KDM2A: variants seen among roughly 807,000 people sequenced by gnomAD.
KDM2A encodes the protein lysine demethylase 2A.
A neutral mutation model predicts 137.3 loss-of-function variants in KDM2A; 3 were observed. The observed-to-expected ratio is 0.02, with a 90% CI of 0.01 to 0.06. KDM2A has a LOEUF of 0.06. KDM2A is among the 10% of genes least tolerant of loss of function. The probability of loss-of-function intolerance (pLI) is 1.00; values close to 1 mark genes in which losing one functional copy is unlikely to be tolerated. For missense variants in KDM2A, 738 were observed against 1,510.6 expected, an observed-to-expected ratio of 0.49 and a Z score of 8.48; for synonymous variants, 512 against 541.5, an observed-to-expected ratio of 0.95 and a Z score of 0.76.
intron 2 of KDM2A, among the ~76,000 whole-genome samples, chr11:67,171,155 A>G (rs529055682): frequency 2.0e-4 from 31 of 152,280 alleles, no homozygotes; most frequent in African/African-American, 7.2e-4. Flanking sequence ...AGCTGTCCTG[A>G]AAAAATAGCC....
At chr11:67,238,390 C>A (rs887766604) in intron 12 of KDM2A, among the ~76,000 whole-genome samples, 5 of 152,150 alleles carry the variant, frequency 3.3e-5, no homozygotes, top group African/African-American at 1.2e-4. Context: ...ATAGATAGCA[C>A]TGAAGATCAA....
chr11:67,185,300 A>G (rs1200291502), intron 5 of KDM2A, among the ~76,000 whole-genome samples: 2 of 152,216 alleles, frequency 1.3e-5, no homozygotes, highest in African/African-American at 4.8e-5. Context: ...ACAGAATGAC[A>G]AAAATTGAAG....
chr11:67,257,570 CAAAGG>C lies in KDM2A; in HGVS notation c.*2523_*2527del, dbSNP rs1256891880. ...TTCCAAGCACCGGGGCGAAAAACCA[CAAAGG>C]AAAGGAAGAAAATTTATATATATAT... On this transcript the variant is annotated 3_prime_UTR_variant, in exon 21 of 21. Transcript: ENST00000529006. 6.6e-6 allele frequency: 1 copy of C among 151,988 alleles called. No homozygotes were observed. Among genetic ancestry groups the C allele is most frequent in the Non-Finnish European group, 1.5e-5 (1 of 67,944 alleles). The allele number at this position is 151,988 out of a possible 1,614,324, so 9.4% of individuals were successfully genotyped here.
At chr11:67,169,989 C>G (rs1305107028) in intron 2 of KDM2A, among the ~76,000 whole-genome samples, 4 of 151,998 alleles carry the variant, frequency 2.6e-5, no homozygotes, top group African/African-American at 9.7e-5. Context: ...AACTCCTGAC[C>G]TCGTGATTTG....
chr11:67,181,499 G>C, intron 4 of KDM2A, 101 bp downstream of exon 4: 1 of 688,276 alleles, frequency 1.5e-6, no homozygotes, highest in Non-Finnish European at 2.4e-6. Flanking sequence ...AATAGTAATT[G>C]AAAATAATTT....
chr11:67,254,462 C>T lies in KDM2A; in HGVS notation c.3307+44C>T. Reference sequence around the variant, plus strand: ...TCATAATCAGCGGTGCCCCCTGCCTCCAGCCCTCCCTGGAACTTGATCAGT... The same window carrying T: ...TCATAATCAGCGGTGCCCCCTGCCTTCAGCCCTCCCTGGAACTTGATCAGT... On this transcript the variant is annotated intron_variant, in intron 20 of 20. Coordinates refer to ENST00000529006, the MANE Select transcript of KDM2A (RefSeq NM_012308.3). The surrounding 1 kb of genome is among the most constrained non-coding windows in gnomAD (Gnocchi z 4.7). 6.5e-7 allele frequency: 1 copy of T among 1,530,500 alleles called. No individual in the cohort carries two copies. The highest frequency in any genetic ancestry group is 9.0e-7 in the Non-Finnish European group (1 of 1,106,608). The allele number at this position is 1,530,500 out of a possible 1,614,324, so 94.8% of individuals were successfully genotyped here.
chr11:67,210,775 A>C (rs901238359), intron 6 of KDM2A, among the ~76,000 whole-genome samples: 11 of 152,204 alleles, frequency 7.2e-5, no homozygotes, highest in African/African-American at 2.7e-4. Flanking sequence ...ATAAGATAGA[A>C]GACTTCATGT....
intron 2 of KDM2A, among the ~76,000 whole-genome samples, chr11:67,161,313 C>T (rs564395482): frequency 6.6e-6 from 1 of 152,228 alleles, no homozygotes; most frequent in East Asian, 1.9e-4. Flanking sequence ...GAAATTGTAT[C>T]CACGTGAAAC....
chr11:67,252,184 G>C (rs547819986), intron 17 of KDM2A, among the ~76,000 whole-genome samples: 1 of 152,164 alleles, frequency 6.6e-6, no homozygotes, highest in Admixed American at 6.5e-5. Flanking sequence ...CTTTTGACCT[G>C]ATACAGTAAT....
chr11:67,199,517 C>G (rs1857565194), intron 5 of KDM2A, among the ~76,000 whole-genome samples: 2 of 152,216 alleles, frequency 1.3e-5, no homozygotes, highest in African/African-American at 4.8e-5. Context: ...CGGAGAAAGT[C>G]TGAGTGGTTT....
intron 5 of KDM2A, among the ~76,000 whole-genome samples, chr11:67,191,686 T>C (rs1857358163): frequency 6.6e-6 from 1 of 152,156 alleles, no homozygotes; most frequent in Non-Finnish European, 1.5e-5. Context: ...AAAAGGAAAC[T>C]ACCTTAACAT....
intron 2 of KDM2A, among the ~76,000 whole-genome samples, chr11:67,146,358 T>C (rs542827617): frequency 1.3e-5 from 2 of 152,238 alleles, no homozygotes; most frequent in Middle Eastern, 3.4e-3. Flanking sequence ...TCTTTTTACT[T>C]ACTTTTTATA....
chr11:67,158,176 C>T (rs571458441), intron 2 of KDM2A, among the ~76,000 whole-genome samples: 4 of 152,186 alleles, frequency 2.6e-5, no homozygotes, highest in African/African-American at 7.2e-5. Context: ...TCTAAAATGT[C>T]GTATAGTTGG....
Position 67,253,436 on chromosome 11 carries a change from C to A in KDM2A, c.2933-17C>A, listed in dbSNP as rs745810676. ...GGAAACAGTGTATTATTACATGTCT[C>A]ATTCCATCCATTGCAGGACTGAAAG... On this transcript the variant is annotated splice_polypyrimidine_tract_variant and intron_variant, in intron 18 of 20. Transcript: ENST00000529006. The A allele has an allele frequency of 6.2e-7, 1 of 1,610,506 alleles. No individual in the cohort carries two copies. The highest frequency in any genetic ancestry group is 8.5e-7 in the Non-Finnish European group (1 of 1,177,002).
intron 2 of KDM2A, among the ~76,000 whole-genome samples, chr11:67,176,073 CCTT>C (rs1256107848): frequency 1.3e-5 from 2 of 151,754 alleles, no homozygotes; most frequent in East Asian, 1.9e-4. Flanking sequence ...CAAAATTAAA[CCTT>C]CTTTTGGCTT....
chr11:67,147,684 C>CT (rs554907447), intron 2 of KDM2A, among the ~76,000 whole-genome samples: 11,806 of 145,666 alleles, frequency 0.081, 1,565 homozygotes, highest in African/African-American at 0.28. Flanking sequence ...ATTAGAGATT[C>CT]TTTTTTTTTT....
chr11:67,188,205 G>T (rs1053040850), intron 5 of KDM2A, among the ~76,000 whole-genome samples: 1 of 151,646 alleles, frequency 6.6e-6, no homozygotes, highest in South Asian at 2.1e-4. Context: ...GAGGCTGGGC[G>T]CAGTGACTCA....
At chr11:67,138,472 G>C (rs1366975595) in intron 2 of KDM2A, among the ~76,000 whole-genome samples, 1 of 152,108 alleles carries the variant, frequency 6.6e-6, no homozygotes, top group East Asian at 1.9e-4. Context: ...CACATTACCT[G>C]GGAACTAGTT....
At chr11:67,168,582 TAC>T (rs71056179) in intron 2 of KDM2A, among the ~76,000 whole-genome samples, 2 of 33,984 alleles carry the variant, frequency 5.9e-5, no homozygotes, top group African/African-American at 1.3e-4. Flanking sequence ...GTATGAATTA[TAC>T]ACACACACAC....
Sources: allele counts gnomAD v4.1 joint callset (sites outside exome capture counted in the v4.1 genomes callset), GRCh38; gene constraint gnomAD v4.1.1; non-coding constraint Gnocchi (gnomAD v3.1); transcripts MANE v1.5; gene names NCBI Gene and HGNC (gene_info 2026-07-23, HGNC 2026-07-21).